WWOX: variants seen among roughly 807,000 people sequenced by gnomAD.
The protein encoded by WWOX is WW domain containing oxidoreductase.
WWOX carries 69 observed loss-of-function variants against 46.2 expected under a neutral mutation model. That is an observed-to-expected ratio of 1.49 (90% CI 1.23 to 1.82). The LOEUF (loss-of-function observed/expected upper bound fraction) is 1.82, where lower values mean the gene tolerates loss of function less well. Among genes scored for constraint, WWOX ranks in the 40% most tolerant of loss-of-function variants. WWOX has a pLI of 0.00. For missense variants in WWOX, 919 were observed against 542.6 expected (o/e 1.69, Z -6.89); for synonymous variants, 359 against 202.6 (o/e 1.77, Z -6.56).
At chr16:78,885,946 A>G (rs1193076570) in intron 8 of WWOX, among the ~76,000 whole-genome samples, 2 of 105,724 alleles carry the variant, frequency 1.9e-5, no homozygotes, top group East Asian at 5.8e-4. Context: ...TTTTTTTGAG[A>G]CAGAGTTTTG....
Position 78,155,650 on chromosome 16 carries a change from C to T in WWOX, c.410-8533C>T, listed in dbSNP as rs574577426. 1.9e-3 allele frequency among the ~76,000 whole-genome samples: 290 copies of T among 152,316 alleles called. 3 individuals are homozygous for T. Among genetic ancestry groups the T allele is most frequent in the Middle Eastern group, 0.017 (5 of 294 alleles). On this transcript the variant is annotated intron_variant, in intron 4 of 8. Transcript: ENST00000566780. The stretch of plus-strand genomic sequence containing the variant: ...CGAACACACTCTTGCCATCTCCATG[C>T]AGTTAAGCTAGTTCAATTTAAACAT...
At chr16:79,031,174 G>T (rs2151395606) in intron 8 of WWOX, among the ~76,000 whole-genome samples, 1 of 152,074 alleles carries the variant, frequency 6.6e-6, no homozygotes, top group African/African-American at 2.4e-5. Context: ...CTTATGATAT[G>T]CGGAAGCCTT....
At chr16:78,921,593 G>A (rs917439332) in intron 8 of WWOX, among the ~76,000 whole-genome samples, 3 of 152,174 alleles carry the variant, frequency 2.0e-5, no homozygotes, top group African/African-American at 7.2e-5. Context: ...TTTCACTGAT[G>A]AGGAAACTGG....
rs777633730 is a variant in WWOX, at chr16:78,406,231, T to C, written c.606-18639T>C. ...GCTACCAATTTTAAGAAATCCTTTA[T>C]AGGACTATTTGTGAAATTGATTTTG... On this transcript the variant is annotated intron_variant, in intron 6 of 8. Transcript: ENST00000566780. 5.5e-5 allele frequency among the ~76,000 whole-genome samples: 8 copies of C among 146,680 alleles called. No homozygotes were observed. The East Asian group carries it at 1.4e-3, about 26-fold the overall frequency.
chr16:79,003,143 A>G (rs78871608), intron 8 of WWOX, among the ~76,000 whole-genome samples: 2 of 152,198 alleles, frequency 1.3e-5, no homozygotes, highest in African/African-American at 4.8e-5. Flanking sequence ...AGCCTCTCCA[A>G]TTTACATGTT....
chr16:78,955,808 T>G (rs898523912), intron 8 of WWOX, among the ~76,000 whole-genome samples: 1 of 149,832 alleles, frequency 6.7e-6, no homozygotes, highest in Non-Finnish European at 1.5e-5. Context: ...TCACCACCTC[T>G]GGCTAATTTA....
intron 6 of WWOX, among the ~76,000 whole-genome samples, chr16:78,388,290 G>A (rs1597146790): frequency 6.6e-6 from 1 of 152,206 alleles, no homozygotes; most frequent in East Asian, 1.9e-4. Context: ...CTCAGCCTCT[G>A]AAAATGCTGG....
At chr16:78,829,535 A>C (rs2051756530) in intron 8 of WWOX, among the ~76,000 whole-genome samples, 1 of 152,164 alleles carries the variant, frequency 6.6e-6, no homozygotes, top group South Asian at 2.1e-4. Context: ...TGTGTGGCCC[A>C]GTCAAGTTGA....
chr16:78,829,533 C>T (rs1221695397), intron 8 of WWOX, among the ~76,000 whole-genome samples: 1 of 152,100 alleles, frequency 6.6e-6, no homozygotes, highest in Non-Finnish European at 1.5e-5. Flanking sequence ...ACTGTGTGGC[C>T]CAGTCAAGTT....
chr16:79,164,072 C>G (rs1300768045), intron 8 of WWOX, among the ~76,000 whole-genome samples: 1 of 152,194 alleles, frequency 6.6e-6, no homozygotes, highest in Admixed American at 6.5e-5. Flanking sequence ...TTCACCCATT[C>G]AGTTTGCCAT....
At chr16:78,788,351 C>T (rs1035849681) in intron 8 of WWOX, among the ~76,000 whole-genome samples, 2 of 152,180 alleles carry the variant, frequency 1.3e-5, no homozygotes, top group Non-Finnish European at 2.9e-5. Context: ...GAAACAGAAT[C>T]TCTTTGTCTC....
At chr16:78,874,684 C>CTTTTTTTTTTTTTTTTT (rs552696627) in intron 8 of WWOX, among the ~76,000 whole-genome samples, 3 of 83,494 alleles carry the variant, frequency 3.6e-5, no homozygotes, top group Non-Finnish European at 6.5e-5. Flanking sequence ...AGATTTTTTT[C>CTTTTTTTTTTTTTTTTT]TTTTTTTTTT....
At chr16:78,703,849 G>C (rs2048277585) in intron 8 of WWOX, among the ~76,000 whole-genome samples, 1 of 152,078 alleles carries the variant, frequency 6.6e-6, no homozygotes, top group Non-Finnish European at 1.5e-5. Context: ...GGGTATGACA[G>C]AACATTTTTC....
intron 4 of WWOX, among the ~76,000 whole-genome samples, chr16:78,150,641 C>A (rs1050116004): frequency 1.3e-5 from 2 of 151,856 alleles, no homozygotes; most frequent in African/African-American, 2.4e-5. Flanking sequence ...CCTCGGCCTC[C>A]CAAAGTGCTG....
chr16:78,768,871 C>G (rs921990637), intron 8 of WWOX, among the ~76,000 whole-genome samples: 2 of 152,122 alleles, frequency 1.3e-5, no homozygotes, highest in African/African-American at 4.8e-5. Context: ...AGAGCATGAC[C>G]CGCCAATGCC....
chr16:78,706,153 T>G (rs1305358948), intron 8 of WWOX, among the ~76,000 whole-genome samples: 2 of 149,758 alleles, frequency 1.3e-5, no homozygotes, highest in African/African-American at 4.9e-5. Flanking sequence ...ATTAAGGCAT[T>G]TCCATCTTAT....
chr16:78,374,120 T>C (rs1877323145), intron 5 of WWOX, among the ~76,000 whole-genome samples: 2 of 152,228 alleles, frequency 1.3e-5, no homozygotes, highest in Admixed American at 6.5e-5. Flanking sequence ...AGAATTTCTT[T>C]TTATCTGAGT....
At chr16:78,357,781 ATG>A (rs2081329875) in intron 5 of WWOX, among the ~76,000 whole-genome samples, 3 of 152,156 alleles carry the variant, frequency 2.0e-5, no homozygotes, top group Admixed American at 1.3e-4. Context: ...CTTGCTGGGT[ATG>A]TGTAATTATT....
chr16:79,193,841 G>A (rs1424746392), intron 8 of WWOX, among the ~76,000 whole-genome samples: 2 of 152,142 alleles, frequency 1.3e-5, no homozygotes, highest in African/African-American at 2.4e-5. Flanking sequence ...GTGGTTTAAC[G>A]AGTTCAGGGA....
Sources: allele counts gnomAD v4.1 joint callset (sites outside exome capture counted in the v4.1 genomes callset), GRCh38; gene constraint gnomAD v4.1.1; transcripts MANE v1.5; gene names NCBI Gene and HGNC (gene_info 2026-07-23, HGNC 2026-07-21).